AKAIN1: variants seen among roughly 807,000 people sequenced by gnomAD.
AKAIN1 encodes A-kinase anchor inhibitor 1.
Under a neutral mutation model 3.7 loss-of-function variants are expected in AKAIN1, and 3 were observed. The ratio of observed to expected loss-of-function variants is 0.82; its 90% CI spans 0.37 to 2.12. AKAIN1 has a LOEUF of 2.12. Among genes scored for constraint, AKAIN1 ranks in the 30% most tolerant of loss-of-function variants. The pLI is 0.06. For synonymous variants in AKAIN1, 31 were observed against 30.8 expected, an observed-to-expected ratio of 1.01 and a Z score of -0.02; for missense variants, 82 against 82.7, an observed-to-expected ratio of 0.99 and a Z score of 0.03.
chr18:5,155,698 G>C (rs1251301066), intron 1 of AKAIN1, among the ~76,000 whole-genome samples: 2 of 152,194 alleles, frequency 1.3e-5, no homozygotes, highest in Non-Finnish European at 2.9e-5. Flanking sequence ...CCCAGATGCA[G>C]GAGTCTGCTA....
intron 1 of AKAIN1, among the ~76,000 whole-genome samples, chr18:5,181,516 C>T (rs1297830537): frequency 1.3e-5 from 2 of 152,118 alleles, no homozygotes; most frequent in South Asian, 2.1e-4. Flanking sequence ...AGGTCTTATA[C>T]AAATGTTAGC....
chr18:5,190,398 TA>T lies in AKAIN1; in HGVS notation c.16+6639del, dbSNP rs370616324. On this transcript the variant is annotated intron_variant, in intron 1 of 1. Coordinates refer to ENST00000434239, the MANE Select transcript of AKAIN1 (RefSeq NM_001145194.2). ...AATTAAATGAAATAAGCAACTTTAC[TA>T]AAAAGCTACTGAAATTCACTCAAGA... Among the ~76,000 whole-genome samples, 68 of 152,260 alleles carry T rather than the reference TA, an allele frequency of 4.5e-4. No individual in the cohort carries two copies. In the South Asian group the frequency reaches 0.012, roughly 28 times the overall value.
intron 1 of AKAIN1, among the ~76,000 whole-genome samples, chr18:5,189,431 G>T (rs767301480): frequency 4.9e-4 from 75 of 152,036 alleles, no homozygotes; most frequent in Middle Eastern, 6.8e-3. Flanking sequence ...AAATTTTTCT[G>T]CTCTGCTTCC....
chr18:5,169,824 T>C (rs2143346049), intron 1 of AKAIN1, among the ~76,000 whole-genome samples: 1 of 152,298 alleles, frequency 6.6e-6, no homozygotes, highest in Non-Finnish European at 1.5e-5. Context: ...CATACATAAT[T>C]GTCTAGGAAC....
At chr18:5,192,849 T>G (rs948801974) in intron 1 of AKAIN1, among the ~76,000 whole-genome samples, 4 of 152,120 alleles carry the variant, frequency 2.6e-5, no homozygotes, top group Non-Finnish European at 1.5e-5. Context: ...AAAAACTAAG[T>G]GCAATGAAAC....
At chr18:5,171,031 A>T (rs2071194898) in intron 1 of AKAIN1, 1 of 152,216 alleles carries the variant, frequency 6.6e-6, no homozygotes, top group African/African-American at 2.4e-5. Flanking sequence ...AGCAGAACCA[A>T]ACTATCCATG....
chr18:5,182,773 C>A (rs1381585363), intron 1 of AKAIN1, among the ~76,000 whole-genome samples: 1 of 152,054 alleles, frequency 6.6e-6, no homozygotes, highest in African/African-American at 2.4e-5. Flanking sequence ...GTCTTCTAGA[C>A]AACTTTTGGT....
At chr18:5,192,617 C>T (rs573552793) in intron 1 of AKAIN1, among the ~76,000 whole-genome samples, 13 of 152,120 alleles carry the variant, frequency 8.5e-5, no homozygotes, top group African/African-American at 3.1e-4. Flanking sequence ...GGAATTCCAG[C>T]CTCCAGAACT....
At chr18:5,190,750 C>T (rs2071313960) in intron 1 of AKAIN1, among the ~76,000 whole-genome samples, 1 of 152,146 alleles carries the variant, frequency 6.6e-6, no homozygotes, top group South Asian at 2.1e-4. Context: ...CTCTTCCTAA[C>T]TTGCATATGA....
intron 1 of AKAIN1, among the ~76,000 whole-genome samples, chr18:5,162,631 T>A (rs868521382): frequency 2.7e-5 from 1 of 37,120 alleles, no homozygotes; most frequent in East Asian, 6.2e-4. Context: ...GATGCGTGTG[T>A]GTGTGTGTGT....
intron 1 of AKAIN1, among the ~76,000 whole-genome samples, chr18:5,165,468 G>T (rs16947808): frequency 0.11 from 16,618 of 151,898 alleles, 1,150 homozygotes; most frequent in Middle Eastern, 0.24. Flanking sequence ...CATAAACACA[G>T]TAAGAAAATA....
intron 1 of AKAIN1, among the ~76,000 whole-genome samples, chr18:5,161,507 C>CTATT (rs1356791917): frequency 3.3e-5 from 5 of 151,978 alleles, no homozygotes; most frequent in Admixed American, 2.0e-4. Flanking sequence ...TCTCCACCTT[C>CTATT]TATTTATTTA....
chr18:5,179,057 T>G (rs1194658217), intron 1 of AKAIN1, among the ~76,000 whole-genome samples: 1 of 152,200 alleles, frequency 6.6e-6, no homozygotes, highest in Non-Finnish European at 1.5e-5. Context: ...AAGCACCATT[T>G]TTTAAAATCG....
Position 5,165,015 on chromosome 18 carries a change from A to G in AKAIN1, c.17-19260T>C, listed in dbSNP as rs151338143. ...GAATTTACTGCTACCTTTCTAGGCCATTAATTAAATAATTTTCCATTCTAT... is the reference window on the plus strand; with the variant it reads ...GAATTTACTGCTACCTTTCTAGGCCGTTAATTAAATAATTTTCCATTCTAT... On this transcript the variant is annotated intron_variant, in intron 1 of 1. Transcript: ENST00000434239. Among the ~76,000 whole-genome samples the G allele has an allele frequency of 6.6e-3, 1,001 of 152,144 alleles. 14 individuals are homozygous for G. Among genetic ancestry groups the G allele is most frequent in the African/African-American group, 0.023 (945 of 41,540 alleles).
rs292330 is a variant in AKAIN1 at position 5,174,977 on chromosome 18, C to T, written c.16+22061G>A. On this transcript the variant is annotated intron_variant, in intron 1 of 1. Coordinates refer to ENST00000434239, the MANE Select transcript of AKAIN1 (RefSeq NM_001145194.2). ...ATTCCTAGCCTCCCTTGACCAGATA[C>T]CAGTAGCCAGGGCCAGCTTCAGGGG... Among the ~76,000 whole-genome samples the T allele has an allele frequency of 5.5e-3, 833 of 152,250 alleles. 8 individuals are homozygous for T. Among genetic ancestry groups the T allele is most frequent in the African/African-American group, 0.019 (770 of 41,558 alleles).
intron 1 of AKAIN1, among the ~76,000 whole-genome samples, chr18:5,165,034 A>G (rs2071160105): frequency 6.6e-6 from 1 of 152,008 alleles, no homozygotes; most frequent in East Asian, 1.9e-4. Flanking sequence ...ATAATTTTCC[A>G]TTCTATTTCA....
intron 1 of AKAIN1, among the ~76,000 whole-genome samples, chr18:5,195,436 C>A (rs1234481667): frequency 6.6e-6 from 1 of 152,160 alleles, no homozygotes; most frequent in Non-Finnish European, 1.5e-5. Flanking sequence ...TGTACAACAC[C>A]ATATCCCTCC....
chr18:5,183,368 T>G (rs941339717), intron 1 of AKAIN1, among the ~76,000 whole-genome samples: 1 of 152,068 alleles, frequency 6.6e-6, no homozygotes, highest in Non-Finnish European at 1.5e-5. Context: ...TGAATGATAC[T>G]GTGAGTGATT....
At chr18:5,196,536 TCCTCTGCCCTTCGTC>T (rs2071348619) in intron 1 of AKAIN1, among the ~76,000 whole-genome samples, 1 of 152,234 alleles carries the variant, frequency 6.6e-6, no homozygotes, top group Non-Finnish European at 1.5e-5. Context: ...GAAGTATCGC[TCCTCTGCCCTTCGTC>T]CTACTCCCCT....
Sources: gnomAD v4.1 joint callset for allele counts (sites outside exome capture counted in the v4.1 genomes callset) on GRCh38, gnomAD v4.1.1 for gene constraint, MANE v1.5 for transcripts, NCBI Gene and HGNC (gene_info 2026-07-23, HGNC 2026-07-21) for gene names.